The following DLG2 variants were observed in gnomAD, a reference collection of about 807,000 sequenced individuals.
DLG2 encodes discs large MAGUK scaffold protein 2.
In DLG2, 45 loss-of-function variants were observed where a neutral mutation model predicts 132.5. The ratio of observed to expected loss-of-function variants is 0.34; its 90% CI spans 0.27 to 0.44. DLG2 has a LOEUF of 0.44. Ranked by LOEUF, DLG2 falls within the 20% of genes least tolerant of loss-of-function variation. DLG2 has a pLI of 1.00. For synonymous variants in DLG2, 424 were observed against 419.6 expected, an observed-to-expected ratio of 1.01 and a Z score of -0.13; for missense variants, 1,045 against 1,196.9, an observed-to-expected ratio of 0.87 and a Z score of 1.87.
At chr11:85,108,727 G>C (rs1476740850) in intron 6 of DLG2, among the ~76,000 whole-genome samples, 1 of 152,010 alleles carries the variant, frequency 6.6e-6, no homozygotes, top group Non-Finnish European at 1.5e-5. Flanking sequence ...CTCTAGGGGA[G>C]ACTCAGTAAA....
intron 3 of DLG2, among the ~76,000 whole-genome samples, chr11:85,506,354 G>A (rs1370363914): frequency 2.0e-5 from 3 of 152,088 alleles, no homozygotes; most frequent in African/African-American, 7.2e-5. Flanking sequence ...TGGGCATTTA[G>A]TGCTATAAAT....
intron 18 of DLG2, among the ~76,000 whole-genome samples, chr11:83,729,723 A>G (rs1304642335): frequency 1.3e-5 from 2 of 152,222 alleles, no homozygotes; most frequent in Admixed American, 6.5e-5. Flanking sequence ...AATTCAGTGG[A>G]GATTCTATAC....
chr11:85,219,666 A>C (rs1254557398), intron 4 of DLG2, among the ~76,000 whole-genome samples: 1 of 149,898 alleles, frequency 6.7e-6, no homozygotes, highest in Non-Finnish European at 1.5e-5. Context: ...ATCTATATCT[A>C]AATTCCCATC....
intron 19 of DLG2, among the ~76,000 whole-genome samples, chr11:83,557,147 C>A (rs2096535165): frequency 6.6e-6 from 1 of 152,190 alleles, no homozygotes; most frequent in South Asian, 2.1e-4. Flanking sequence ...GTGTTCAGTG[C>A]TGAAGGCAAA....
chr11:84,843,161 T>C (rs1206396221), intron 6 of DLG2, among the ~76,000 whole-genome samples: 1 of 151,978 alleles, frequency 6.6e-6, no homozygotes, highest in East Asian at 1.9e-4. Context: ...CTTTTGGAAG[T>C]AATGGATATG....
At chr11:84,088,401 G>A (rs770805511) in intron 10 of DLG2, among the ~76,000 whole-genome samples, 37 of 151,438 alleles carry the variant, frequency 2.4e-4, no homozygotes, top group African/African-American at 7.3e-4. Context: ...AAAATCCAAC[G>A]AGTCATGTTT....
intron 19 of DLG2, among the ~76,000 whole-genome samples, chr11:83,606,278 A>G (rs2059320040): frequency 6.6e-6 from 1 of 152,198 alleles, no homozygotes; most frequent in Admixed American, 6.5e-5. Flanking sequence ...TATATATACT[A>G]TAGTTGTAGT....
At chr11:84,089,382 C>T (rs1187965123) in intron 10 of DLG2, among the ~76,000 whole-genome samples, 1 of 152,130 alleles carries the variant, frequency 6.6e-6, no homozygotes, top group East Asian at 1.9e-4. Flanking sequence ...TTCTTTTCCT[C>T]CCCTCTCTGT....
rs1022199487 is a variant in DLG2, at chr11:83,583,958, G to A, written c.1941-42100C>T. ...GACTGGTCAGGCTCCATTGAATCAT[G>A]AAAAAGAAATCTGTATTTTTTTTCT... On this transcript the variant is annotated intron_variant, in intron 19 of 27. Coordinates refer to ENST00000376104, the MANE Select transcript of DLG2 (RefSeq NM_001142699.3). 3.9e-5 allele frequency among the ~76,000 whole-genome samples: 6 copies of A among 152,146 alleles called. No individual in the cohort carries two copies. The South Asian group carries it at 1.2e-3, about 32-fold the overall frequency.
chr11:84,507,385 G>T (rs1392256397), intron 7 of DLG2, among the ~76,000 whole-genome samples: 1 of 152,192 alleles, frequency 6.6e-6, no homozygotes, highest in Non-Finnish European at 1.5e-5. Context: ...TTGAAGAGAA[G>T]TGATGAGATT....
intron 19 of DLG2, among the ~76,000 whole-genome samples, chr11:83,567,754 CAG>C (rs2143099259): frequency 6.6e-6 from 1 of 152,214 alleles, no homozygotes; most frequent in South Asian, 2.1e-4. Flanking sequence ...CAGCTGCATG[CAG>C]AGTGAGTTGC....
rs150621065 is a variant in DLG2, at chr11:83,472,630, G to A, written c.2344+97C>T. 5.7e-5 allele frequency: 60 copies of A among 1,048,448 alleles called. No individual in the cohort carries two copies. The Middle Eastern group carries it at 8.3e-4, about 15-fold the overall frequency. The allele number at this position is 1,048,448 out of a possible 1,614,324, so 64.9% of individuals were successfully genotyped here. A position where few individuals can be genotyped will look rare whatever the true frequency, so the allele number is the denominator to read the frequency against. ...TCTCAAGACAACAGAGCATTAAGCC[G>A]AGTTTATTCTCCTTAGTCCTTCACT... On this transcript the variant is annotated intron_variant, in intron 23 of 27. Coordinates refer to ENST00000376104, the MANE Select transcript of DLG2 (RefSeq NM_001142699.3).
intron 4 of DLG2, among the ~76,000 whole-genome samples, chr11:85,243,647 G>T (rs1218999084): frequency 6.6e-6 from 1 of 151,824 alleles, no homozygotes; most frequent in Non-Finnish European, 1.5e-5. Flanking sequence ...TTATTGCAAA[G>T]TCAAAGAGAA....
intron 7 of DLG2, among the ~76,000 whole-genome samples, chr11:84,530,254 T>C (rs1460370333): frequency 6.6e-6 from 1 of 152,166 alleles, no homozygotes; most frequent in Non-Finnish European, 1.5e-5. Flanking sequence ...ATGATGAAGA[T>C]GTCAAACACA....
At position 84,529,649 on chromosome 11, in the gene DLG2, T is replaced by A. The variant is rs150966727; in HGVS notation, c.519+4921A>T. Among the ~76,000 whole-genome samples the A allele has an allele frequency of 3.3e-5, 5 of 152,216 alleles. No homozygotes were observed. The East Asian group carries it at 7.7e-4, about 24-fold the overall frequency. ...ATTGCTCAAGGAAATCCAAGATGATTCAAACAAATTGAAAACATTCTGTGC... is the reference window on the plus strand; with the variant it reads ...ATTGCTCAAGGAAATCCAAGATGATACAAACAAATTGAAAACATTCTGTGC... On this transcript the variant is annotated intron_variant, in intron 7 of 27. Transcript: ENST00000376104.
chr11:84,462,677 T>G (rs1567699439), intron 7 of DLG2, among the ~76,000 whole-genome samples: 1 of 151,108 alleles, frequency 6.6e-6, no homozygotes, highest in Non-Finnish European at 1.5e-5. Flanking sequence ...GAGTGGCTTA[T>G]TACTCTCTCT....
intron 18 of DLG2, among the ~76,000 whole-genome samples, chr11:83,753,866 C>CATAT (rs56158440): frequency 6.9e-5 from 2 of 29,072 alleles, no homozygotes; most frequent in East Asian, 4.6e-3. Flanking sequence ...ATATATATTT[C>CATAT]ATATATATGA....
At chr11:85,258,567 C>T (rs1253214157) in intron 4 of DLG2, among the ~76,000 whole-genome samples, 1 of 152,060 alleles carries the variant, frequency 6.6e-6, no homozygotes, top group East Asian at 1.9e-4. Context: ...GACTTTTATG[C>T]TAAGTGAGCA....
At chr11:83,542,148 G>A (rs1332403707) in intron 19 of DLG2, among the ~76,000 whole-genome samples, 1 of 152,068 alleles carries the variant, frequency 6.6e-6, no homozygotes, top group African/African-American at 2.4e-5. Flanking sequence ...TAGAAGATAA[G>A]AAAGGTACTT....
Sources: gnomAD v4.1 joint callset for allele counts (sites outside exome capture counted in the v4.1 genomes callset) on GRCh38, gnomAD v4.1.1 for gene constraint, MANE v1.5 for transcripts, NCBI Gene and HGNC (gene_info 2026-07-23, HGNC 2026-07-21) for gene names.